PCLO: variants seen among roughly 807,000 people sequenced by gnomAD.
The protein encoded by PCLO is piccolo presynaptic cytomatrix protein, also known as protein piccolo.
Under a neutral mutation model 427.5 loss-of-function variants are expected in PCLO, and 82 were observed. The observed-to-expected ratio is 0.19, with a 90% CI of 0.16 to 0.23. The LOEUF is 0.23. Among genes scored for constraint, PCLO ranks in the 10% least tolerant of loss-of-function variants. The pLI is 1.00. For missense variants in PCLO, 6,239 were observed against 6,115.9 expected (o/e 1.02, Z -0.67); for synonymous variants, 2,357 against 2,155.4 (o/e 1.09, Z -2.59).
At chr7:82,865,009 T>A (rs1007408617) in intron 10 of PCLO, among the ~76,000 whole-genome samples, 2 of 152,186 alleles carry the variant, frequency 1.3e-5, no homozygotes, top group East Asian at 3.9e-4. Context: ...TGAGAGATTT[T>A]ATTCACCTTT....
rs547628091 is a variant in PCLO at position 82,754,488 on chromosome 7, A to C, written c.*4087T>G. The C allele has an allele frequency of 2.0e-5, 3 of 151,524 alleles. No individual in the cohort carries two copies. The highest frequency in any genetic ancestry group is 7.3e-5 in the African/African-American group (3 of 40,878). 9.4% of individuals were successfully genotyped at this position (151,524 alleles called of 1,614,324 possible). A position where few individuals can be genotyped will look rare whatever the true frequency, so the allele number is the denominator to read the frequency against. On this transcript the variant is annotated 3_prime_UTR_variant, in exon 25 of 25. Coordinates refer to ENST00000333891, the MANE Select transcript of PCLO (RefSeq NM_033026.6). ...GGAGCACCTGAGCACGTCACCAAACAAATATACAGACACAATCAAACAATA... is the reference window on the plus strand; with the variant it reads ...GGAGCACCTGAGCACGTCACCAAACCAATATACAGACACAATCAAACAATA...
At chr7:83,121,878 C>A (rs564835458) in intron 3 of PCLO, among the ~76,000 whole-genome samples, 13 of 152,046 alleles carry the variant, frequency 8.6e-5, no homozygotes, top group Non-Finnish European at 1.5e-4. Context: ...AGCCTAATAT[C>A]TCTGATAAAC....
Position 82,965,764 on chromosome 7 carries a change from A to G in PCLO, c.4017+7T>C. Reference sequence around the variant, plus strand: ...AGAGTGTGAGAAGTTAGTAAAATTTAACTTACTGTTTTTTCTTTCCCAGGT... The same window carrying G: ...AGAGTGTGAGAAGTTAGTAAAATTTGACTTACTGTTTTTTCTTTCCCAGGT... On this transcript the variant is annotated splice_region_variant and intron_variant, in intron 4 of 24. Transcript: ENST00000333891. The G allele has an allele frequency of 1.3e-6, 2 of 1,567,444 alleles. No individual in the cohort carries two copies. Among genetic ancestry groups the G allele is most frequent in the Non-Finnish European group, 1.7e-6 (2 of 1,156,056 alleles).
chr7:82,796,956 G>T (rs1227355587), intron 22 of PCLO, among the ~76,000 whole-genome samples: 1 of 151,650 alleles, frequency 6.6e-6, no homozygotes, highest in African/African-American at 2.4e-5. Flanking sequence ...AAGAAAGGTA[G>T]CCTAAGTATT....
rs1351608946 is a variant in PCLO, at chr7:82,955,783, T to C, written c.5170A>G (p.Ser1724Gly). ...GTAGGGGATGTACCAGGAGTGAAGC[T>C]GGAAGCATGCAGACTCGAAGATCCC... ...GEGSSSLHAS[S>G]FTPGTSPTSV... Residue 1724 changes from serine to glycine, a missense_variant, in exon 5 of 25, where the codon AGC becomes GGC. This residue lies in a region of PCLO where 4,677 missense variants were observed against 4,468.4 expected (regional missense o/e 1.05). Transcript: ENST00000333891. The C allele has an allele frequency of 1.2e-6, 2 of 1,613,982 alleles. No individual in the cohort carries two copies. The highest frequency in any genetic ancestry group is 1.3e-5 in the African/African-American group (1 of 75,052).
At chr7:82,978,334 T>C (rs1334566550) in intron 3 of PCLO, among the ~76,000 whole-genome samples, 2 of 152,106 alleles carry the variant, frequency 1.3e-5, no homozygotes, top group East Asian at 3.9e-4. Context: ...AAAATATGAT[T>C]ATTAAATATT....
intron 3 of PCLO, among the ~76,000 whole-genome samples, chr7:83,097,736 T>C (rs1205703086): frequency 6.6e-6 from 1 of 151,444 alleles, no homozygotes; most frequent in East Asian, 1.9e-4. Flanking sequence ...AATTGTGAAA[T>C]AGAGCACTTG....
At chr7:82,797,805 T>C (rs1424958336) in intron 22 of PCLO, among the ~76,000 whole-genome samples, 3 of 152,274 alleles carry the variant, frequency 2.0e-5, no homozygotes, top group East Asian at 1.9e-4. Context: ...TCTGACCCAT[T>C]GAACTAATCT....
At position 82,953,986 on chromosome 7, in the gene PCLO, T is replaced by C. The variant is rs758980232; in HGVS notation, c.6967A>G (p.Lys2323Glu). Residue 2323 changes from lysine to glutamate, a missense_variant, in exon 5 of 25, where the codon AAA (lysine) becomes GAA (glutamate). Coordinates refer to ENST00000333891, the MANE Select transcript of PCLO (RefSeq NM_033026.6). The part of the protein sequence containing the change: ...ILEVLEAYRD[K>E]KELEAERTKS... ...GTTCGTTCGGCCTCCAACTCCTTTTTATCTCTGTAAGCTTCCAAAACTTCC... is the reference window on the plus strand; with the variant it reads ...GTTCGTTCGGCCTCCAACTCCTTTTCATCTCTGTAAGCTTCCAAAACTTCC... 1.5e-5 allele frequency: 24 copies of C among 1,613,844 alleles called. No individual in the cohort carries two copies. The highest frequency in any genetic ancestry group is 1.8e-5 in the Non-Finnish European group (21 of 1,179,864).
chr7:82,848,711 A>G (rs1477552993), intron 10 of PCLO, among the ~76,000 whole-genome samples: 1 of 152,174 alleles, frequency 6.6e-6, no homozygotes, highest in Non-Finnish European at 1.5e-5. Flanking sequence ...GCATGATTGT[A>G]TATTTAAAAG....
chr7:82,947,289 T>A (rs543152998), intron 6 of PCLO, among the ~76,000 whole-genome samples: 10 of 152,172 alleles, frequency 6.6e-5, no homozygotes, highest in Non-Finnish European at 1.5e-4. Context: ...CTGTGTTGTT[T>A]CAGTGCCTAC....
At chr7:83,039,908 T>C (rs1456149145) in intron 3 of PCLO, among the ~76,000 whole-genome samples, 2 of 152,122 alleles carry the variant, frequency 1.3e-5, no homozygotes, top group African/African-American at 4.8e-5. Context: ...TATTTTTAAG[T>C]ATTTTGTACT....
intron 22 of PCLO, among the ~76,000 whole-genome samples, chr7:82,762,040 CTG>C (rs1466741209): frequency 3.2e-4 from 48 of 152,116 alleles, no homozygotes; most frequent in African/African-American, 1.2e-3. Flanking sequence ...CCACCCTACT[CTG>C]TGCTAAGCAC....
At chr7:83,053,284 A>G (rs914184326) in intron 3 of PCLO, among the ~76,000 whole-genome samples, 1 of 151,706 alleles carries the variant, frequency 6.6e-6, no homozygotes, top group Non-Finnish European at 1.5e-5. Context: ...TCTTATAAAT[A>G]ATATGTCTTC....
At chr7:82,857,759 G>C (rs1035912118) in intron 10 of PCLO, among the ~76,000 whole-genome samples, 1 of 152,036 alleles carries the variant, frequency 6.6e-6, no homozygotes, top group Admixed American at 6.6e-5. Flanking sequence ...CAAAATTTAA[G>C]AGTAAAAGGA....
At chr7:83,018,076 T>A (rs911378575) in intron 3 of PCLO, 1 of 152,004 alleles carries the variant, frequency 6.6e-6, no homozygotes, top group African/African-American at 2.4e-5. Context: ...TATTATCCAT[T>A]TGAAAGAATG....
chr7:83,069,798 C>CA lies in PCLO; in HGVS notation c.3300+64451_3300+64452insT, dbSNP rs1562948938. ...CCACCTCCCCCACCCCACCCCCCCG[C>CA]CCACACACACACACACACACACACA... is the stretch of plus-strand genomic sequence containing the variant. On this transcript the variant is annotated intron_variant, in intron 3 of 24. Coordinates refer to ENST00000333891, the MANE Select transcript of PCLO (RefSeq NM_033026.6). 2.5e-4 allele frequency among the ~76,000 whole-genome samples: 15 copies of CA among 61,144 alleles called. 1 individual carries two copies. The highest frequency in any genetic ancestry group is 1.1e-3 in the East Asian group (2 of 1,782). The allele number at this position is 61,144 out of a possible 152,430, so 40.1% of individuals were successfully genotyped here. A position where few individuals can be genotyped will look rare whatever the true frequency, so the allele number is the denominator to read the frequency against.
intron 7 of PCLO, 72 bp downstream of exon 7, chr7:82,914,614 G>A (rs1794398710): frequency 7.0e-7 from 1 of 1,434,056 alleles, no homozygotes; most frequent in African/African-American, 1.4e-5. Flanking sequence ...CTCTGGAGAA[G>A]GGAAATTAAA....
At chr7:83,062,495 A>T (rs80269317) in intron 3 of PCLO, among the ~76,000 whole-genome samples, 1 of 152,204 alleles carries the variant, frequency 6.6e-6, no homozygotes, top group African/African-American at 2.4e-5. Context: ...GATATTACTA[A>T]GTTGGGTAAA....
Sources: gnomAD v4.1 joint callset for allele counts (sites outside exome capture counted in the v4.1 genomes callset) on GRCh38, gnomAD v4.1.1 for gene constraint, gnomAD v4.1.1 regional missense constraint, MANE v1.5 for transcripts, NCBI Gene and HGNC (gene_info 2026-07-23, HGNC 2026-07-21) for gene names.